The following TNPO3 variants were observed in gnomAD, a reference collection of about 807,000 sequenced individuals.
The protein encoded by TNPO3 is transportin 3.
In TNPO3, 65 loss-of-function variants were observed where a neutral mutation model predicts 122.8. That is an observed-to-expected ratio of 0.53 (90% CI 0.43 to 0.65). TNPO3 has a LOEUF of 0.65. Among genes scored for constraint, TNPO3 ranks in the 30% least tolerant of loss-of-function variants. The pLI is 0.00. For synonymous variants in TNPO3, 372 were observed against 411.2 expected (o/e 0.90, Z 1.15); for missense variants, 850 against 1,136.7 (o/e 0.75, Z 3.63).
intron 1 of TNPO3, among the ~76,000 whole-genome samples, chr7:129,033,354 T>C (rs1284143091): frequency 2.0e-5 from 3 of 152,010 alleles, no homozygotes; most frequent in Admixed American, 6.6e-5. Flanking sequence ...TCACCAACCA[T>C]AGGGAAAGGC....
intron 19 of TNPO3, among the ~76,000 whole-genome samples, chr7:128,971,393 G>A (rs1400047389): frequency 2.6e-5 from 4 of 152,146 alleles, no homozygotes; most frequent in African/African-American, 9.7e-5. Flanking sequence ...TGATCTGCAC[G>A]CCTTGGCCTC....
At chr7:129,017,766 T>C (rs776786176) in intron 2 of TNPO3, among the ~76,000 whole-genome samples, 191 bp downstream of exon 2, 6 of 152,212 alleles carry the variant, frequency 3.9e-5, no homozygotes, top group African/African-American at 4.8e-5. Flanking sequence ...TCAAGTTAGT[T>C]TGAAACCAAA....
intron 20 of TNPO3, 135 bp downstream of exon 20, chr7:128,970,013 A>C (rs1475745001): frequency 3.3e-6 from 3 of 900,314 alleles, no homozygotes; most frequent in African/African-American, 3.3e-5. Flanking sequence ...CTACCAATCT[A>C]ATTTGGCAAT....
intron 11 of TNPO3, among the ~76,000 whole-genome samples, chr7:128,989,143 C>CT (rs1398425874): frequency 2.6e-5 from 4 of 152,048 alleles, no homozygotes; most frequent in African/African-American, 9.7e-5. Context: ...TAGAAAGCAG[C>CT]TCAGTGTATA....
At chr7:129,049,873 A>G (rs1563114887) in intron 1 of TNPO3, among the ~76,000 whole-genome samples, 2 of 152,118 alleles carry the variant, frequency 1.3e-5, no homozygotes, top group African/African-American at 2.4e-5. Flanking sequence ...ACCCAGGAAG[A>G]CTGGGGAATT....
Position 128,986,925 on chromosome 7 carries a change from G to A in TNPO3, c.1499-5C>T. ...TCAAATAGCCCAACACAGGGTCTAA[G>A]AAGAAAAGCCAAGCAGAGATTACAT... On this transcript the variant is annotated splice_polypyrimidine_tract_variant and splice_region_variant and intron_variant, in intron 11 of 22. Transcript: ENST00000265388. The A allele has an allele frequency of 1.2e-6, 2 of 1,600,270 alleles. No homozygotes were observed. Among genetic ancestry groups the A allele is most frequent in the Non-Finnish European group, 1.7e-6 (2 of 1,174,952 alleles).
At chr7:128,956,211 G>A (rs142365008) in intron 22 of TNPO3, among the ~76,000 whole-genome samples, 15 of 152,262 alleles carry the variant, frequency 9.9e-5, no homozygotes, top group African/African-American at 2.9e-4. Flanking sequence ...TTTGGGTGTG[G>A]CAAGGCACTG....
At chr7:128,989,211 TATAAA>T (rs1367431482) in intron 11 of TNPO3, among the ~76,000 whole-genome samples, 1 of 152,172 alleles carries the variant, frequency 6.6e-6, no homozygotes, top group Non-Finnish European at 1.5e-5. Flanking sequence ...AAAACAGATG[TATAAA>T]ATAAAATCAA....
At chr7:129,042,574 A>C (rs1807514725) in intron 1 of TNPO3, among the ~76,000 whole-genome samples, 1 of 152,142 alleles carries the variant, frequency 6.6e-6, no homozygotes, top group East Asian at 1.9e-4. Context: ...AACTACCTTA[A>C]CTTCTTTTAT....
rs141795426 is a variant in TNPO3 at position 128,991,758 on chromosome 7, C to T, written c.1358+241G>A. On this transcript the variant is annotated intron_variant, in intron 10 of 22. Transcript: ENST00000265388. ...AGCCTCAGTTGGAAAAATAAATCAG[C>T]ATTCTATTCCTAGCATCAAGAATAA... is the stretch of plus-strand genomic sequence containing the variant. Among the ~76,000 whole-genome samples, 10 of 152,290 alleles carry T rather than the reference C, an allele frequency of 6.6e-5. No homozygotes were observed. In the East Asian group the frequency reaches 1.9e-3, roughly 29 times the overall value.
At chr7:128,966,754 T>C (rs1797961068) in intron 21 of TNPO3, among the ~76,000 whole-genome samples, 1 of 152,242 alleles carries the variant, frequency 6.6e-6, no homozygotes, top group African/African-American at 2.4e-5. Context: ...TAGGCTGTAA[T>C]CCAGAGATTG....
intron 11 of TNPO3, 74 bp downstream of exon 11, chr7:128,989,887 C>G: frequency 6.5e-7 from 1 of 1,546,356 alleles, no homozygotes; most frequent in Admixed American, 1.8e-5. Context: ...AAAACACATG[C>G]AAAAGTAAGA....
At chr7:128,977,738 A>T (rs1162639705) in intron 16 of TNPO3, among the ~76,000 whole-genome samples, 1 of 152,006 alleles carries the variant, frequency 6.6e-6, no homozygotes, top group Non-Finnish European at 1.5e-5. Context: ...CTGGGACTAC[A>T]GGCGCCTGCC....
intron 4 of TNPO3, among the ~76,000 whole-genome samples, chr7:129,005,781 T>C (rs1249998806): frequency 6.8e-6 from 1 of 147,582 alleles, no homozygotes; most frequent in Admixed American, 6.9e-5. Flanking sequence ...TCTTTTCTTT[T>C]CTTTTTTTTT....
intron 16 of TNPO3, 89 bp from the exon 17 acceptor site, chr7:128,976,024 A>G (rs1799022970): frequency 1.1e-6 from 1 of 901,086 alleles, no homozygotes; most frequent in South Asian, 1.3e-5. Flanking sequence ...ATTCAGAGAT[A>G]GATTGGCTTC....
chr7:129,050,065 CTTTTT>C (rs922893612), intron 1 of TNPO3, among the ~76,000 whole-genome samples: 1 of 151,268 alleles, frequency 6.6e-6, no homozygotes, highest in Non-Finnish European at 1.5e-5. Flanking sequence ...CTTTTCTTTT[CTTTTT>C]TTTCTTTTTT....
intron 5 of TNPO3, among the ~76,000 whole-genome samples, 161 bp downstream of exon 5, chr7:129,004,855 C>T (rs562253196): frequency 2.0e-5 from 3 of 152,288 alleles, no homozygotes; most frequent in South Asian, 4.1e-4. Context: ...AAAACTGATA[C>T]TTCTAATTTG....
intron 1 of TNPO3, among the ~76,000 whole-genome samples, chr7:129,049,981 C>T (rs1490164290): frequency 6.6e-6 from 1 of 152,146 alleles, no homozygotes; most frequent in African/African-American, 2.4e-5. Flanking sequence ...TTCAGCTACT[C>T]AGGAGACTGA....
At position 128,979,135 on chromosome 7, in the gene TNPO3, G is replaced by A. The variant is rs1250113179; in HGVS notation, c.1921-12C>T. The stretch of plus-strand genomic sequence containing the variant: ...AAAACTGGCCATATCTGGGTCAAAA[G>A]TAAAAGAGCACAAGAAAGAAAATAA... On this transcript the variant is annotated splice_polypyrimidine_tract_variant and intron_variant, in intron 15 of 22. Transcript: ENST00000265388. 15 of 1,613,374 alleles carry A rather than the reference G, an allele frequency of 9.3e-6. No homozygotes were observed. The highest frequency in any genetic ancestry group is 1.3e-5 in the Non-Finnish European group (15 of 1,179,654).
Sources: gnomAD v4.1 joint callset for allele counts (sites outside exome capture counted in the v4.1 genomes callset) on GRCh38, gnomAD v4.1.1 for gene constraint, MANE v1.5 for transcripts, NCBI Gene and HGNC (gene_info 2026-07-23, HGNC 2026-07-21) for gene names.